Variants in SYT3 observed in about 807,000 individuals in gnomAD.
The protein encoded by SYT3 is synaptotagmin 3.
SYT3 carries 25 observed loss-of-function variants against 50.6 expected under a neutral mutation model. The ratio of observed to expected loss-of-function variants is 0.49; its 90% confidence interval spans 0.36 to 0.69. SYT3 has a LOEUF of 0.69. Among genes scored for constraint, SYT3 ranks in the 30% least tolerant of loss-of-function variants. SYT3 has a pLI of 0.00. For synonymous variants in SYT3, 323 were observed against 353.9 expected, an observed-to-expected ratio of 0.91 and a Z score of 0.98; for missense variants, 589 against 793.6, an observed-to-expected ratio of 0.74 and a Z score of 3.10.
At chr19:50,641,065 A>C (rs534911095), upstream of SYT3, among the ~76,000 whole-genome samples, 2 of 152,248 alleles carry the variant, frequency 1.3e-5, no homozygotes, top group South Asian at 4.2e-4. Context: ...AAAACAAAAA[A>C]ACCAAAAAAC....
chr19:50,624,937 T>C (rs574974766), intron 9 of SYT3: 15 of 413,794 alleles, frequency 3.6e-5, no homozygotes, highest in Admixed American at 1.7e-4. Flanking sequence ...ACCTCTATCC[T>C]AACAGAAGAT....
In SYT3 at chr19:50,629,990, C is replaced by T. The variant is rs1420472277; in HGVS notation, c.856G>A (p.Gly286Ser). The change falls in exon 5 of 11, where the codon GGT becomes AGT. Residue 286 changes from glycine (G) to serine (S), a missense_variant. Around this residue, in one of 2 missense-constraint regions of SYT3, gnomAD observed 273 missense variants for 439.3 expected, o/e 0.62. Transcript: ENST00000600079. ...GCCTCTCCAGAGCCTGGGCCCCCAC[C>T]GCTCCGCCGGCCACCAGGGCCAGTC... ...QGTGPGGRRS[G>S]GGPGSGEAGT... 1.4e-5 allele frequency: 22 copies of T among 1,613,684 alleles called. No individual in the cohort carries two copies. Among genetic ancestry groups the T allele is most frequent in the East Asian group, 2.2e-5 (1 of 44,872 alleles).
chr19:50,639,559 C>T lies in SYT3; in HGVS notation c.-154+231G>A, dbSNP rs1186419539. ...CCACGGAATGAGGAAACGATCCCCC[C>T]GCGCTGGGGATCGGTGGGCGAGGGG... is the stretch of plus-strand genomic sequence containing the variant. On this transcript the variant is annotated intron_variant, in intron 1 of 10. Transcript: ENST00000600079. The surrounding 1 kb of genome is among the most constrained non-coding windows in gnomAD (Gnocchi z 4.6). Among the ~76,000 whole-genome samples, 1 of 152,008 alleles carries T rather than the reference C, an allele frequency of 6.6e-6. No homozygotes were observed. Among genetic ancestry groups the T allele is most frequent in the Admixed American group, 6.5e-5 (1 of 15,280 alleles).
At chr19:50,643,070 T>C (rs914241848), upstream of SYT3, among the ~76,000 whole-genome samples, 6 of 151,662 alleles carry the variant, frequency 4.0e-5, no homozygotes, top group Admixed American at 6.6e-5. Context: ...GAGTGGAGAT[T>C]AAAAACTGTA....
At chr19:50,652,328 C>A in the SYT3 span, among the ~76,000 whole-genome samples, 19 of 152,260 alleles carry the variant, frequency 1.2e-4, no homozygotes, top group Non-Finnish European at 2.2e-4. Context: ...TTGCTAGATG[C>A]TGGGGACGAA....
chr19:50,632,829 A>G lies in SYT3; in HGVS notation c.149-18T>C. On this transcript the variant is annotated intron_variant, in intron 3 of 10. Coordinates refer to ENST00000600079, the MANE Select transcript of SYT3 (RefSeq NM_001160329.2). The surrounding 1 kb of genome is among the most constrained non-coding windows in gnomAD (Gnocchi z 4.7). ...GGAGATGTCTGGAGAGAACGAGGAC[A>G]GAGGTAGGGGTCAGGATGGGGTCAC... is the stretch of plus-strand genomic sequence containing the variant. The G allele has an allele frequency of 2.0e-6, 3 of 1,490,756 alleles. No individual in the cohort carries two copies. The highest frequency in any genetic ancestry group is 1.4e-5 in the African/African-American group (1 of 71,674). 92.3% of individuals were successfully genotyped at this position (1,490,756 alleles called of 1,614,324 possible). A position where few individuals can be genotyped will look rare whatever the true frequency, so the allele number is the denominator to read the frequency against.
upstream of SYT3, among the ~76,000 whole-genome samples, chr19:50,642,932 G>A (rs548790253): frequency 1.4e-4 from 22 of 152,334 alleles, no homozygotes; most frequent in South Asian, 4.6e-3. Context: ...AATGGCTAGT[G>A]TTTAGTGTTG....
the SYT3 span, chr19:50,649,899 C>T: frequency 2.2e-6 from 1 of 456,202 alleles, no homozygotes; most frequent in Non-Finnish European, 4.4e-6. Flanking sequence ...ACCGCCAACC[C>T]AGTCACTGGT....
rs781418157 is a variant in SYT3 at position 50,632,241 on chromosome 19, G to C, written c.674+45C>G. ...TAGATAGGAAAGAGACACAGAGGAG[G>C]AGCAGAAGTTCAGAGTGGACCCCCA... is the stretch of plus-strand genomic sequence containing the variant. On this transcript the variant is annotated intron_variant, in intron 4 of 10. Transcript: ENST00000600079. The surrounding 1 kb of genome is among the most constrained non-coding windows in gnomAD (Gnocchi z 4.7). 1.2e-5 allele frequency: 18 copies of C among 1,508,360 alleles called. No homozygotes were observed. The highest frequency in any genetic ancestry group is 1.4e-5 in the African/African-American group (1 of 71,814). The allele number at this position is 1,508,360 out of a possible 1,614,324, so 93.4% of individuals were successfully genotyped here. A position where few individuals can be genotyped will look rare whatever the true frequency, so the allele number is the denominator to read the frequency against.
In SYT3 at chr19:50,625,919, C is replaced by T. The variant is rs145686572; in HGVS notation, c.1380G>A (p.Ala460=). The part of the protein sequence containing the change: ...VTIIKASNLK[A]MDLTGFSDPY... ...CACCTGAGAAGCCAGTGAGGTCCAT[C>T]GCTTTGAGGTTAGAGGCTTTGATGA... Residue 460 remains alanine, a synonymous_variant, in exon 7 of 11, where the codon GCG becomes GCA. Coordinates refer to ENST00000600079, the MANE Select transcript of SYT3 (RefSeq NM_001160329.2). The surrounding 1 kb of genome is among the most constrained non-coding windows in gnomAD (Gnocchi z 7.5). 8.7e-6 allele frequency: 14 copies of T among 1,613,912 alleles called. No individual in the cohort carries two copies. Among genetic ancestry groups the T allele is most frequent in the East Asian group, 6.7e-5 (3 of 44,878 alleles).
intron 9 of SYT3, among the ~76,000 whole-genome samples, chr19:50,623,652 A>C (rs1983932857): frequency 7.3e-6 from 1 of 136,624 alleles, no homozygotes; most frequent in Admixed American, 7.4e-5. Context: ...AAAAAAAAAA[A>C]TTAGCAGGGT....
chr19:50,657,803 T>A, the SYT3 span, among the ~76,000 whole-genome samples: 7 of 152,236 alleles, frequency 4.6e-5, no homozygotes, highest in African/African-American at 1.7e-4. Context: ...CTTTCCCATC[T>A]GAGAGATAAT....
At chr19:50,626,127 A>G (rs1984051105) in intron 6 of SYT3, 110 bp from the exon 7 acceptor site, 1 of 1,459,328 alleles carries the variant, frequency 6.9e-7, no homozygotes, top group East Asian at 2.6e-5. Context: ...TCCAGGGCTC[A>G]GGCTTCCCAT....
At chr19:50,651,971 A>G in the SYT3 span, among the ~76,000 whole-genome samples, 874 of 152,220 alleles carry the variant, frequency 5.7e-3, 3 homozygotes, top group Middle Eastern at 0.044. Context: ...CGCTTGTACA[A>G]GGCTATTTTT....
Position 50,630,050 on chromosome 19 carries a change from G to A in SYT3, c.796C>T (p.Leu266Phe), listed in dbSNP as rs749807070. Residue 266 changes from leucine (L) to phenylalanine (F), a missense_variant, in exon 5 of 11, where the codon CTC (leucine) becomes TTC (phenylalanine). Leu to Phe is a conservative substitution (Grantham distance 22). Around this residue, in one of 2 missense-constraint regions of SYT3, gnomAD observed 316 missense variants for 354.3 expected, o/e 0.89. Transcript: ENST00000600079. ...PLPGGEEKAK[L>F]IGQIKPELYQ... ...AGCTCTGGCTTAATCTGCCCAATGA[G>A]TTTGGCTTTTTCCTCGCCTCCAGGC... is the stretch of plus-strand genomic sequence containing the variant. 2 of 1,614,054 alleles carry A rather than the reference G, an allele frequency of 1.2e-6. No individual in the cohort carries two copies. Among genetic ancestry groups the A allele is most frequent in the South Asian group, 1.1e-5 (1 of 91,054 alleles).
chr19:50,626,090 C>G, intron 6 of SYT3, 73 bp from the exon 7 acceptor site: 2 of 1,545,782 alleles, frequency 1.3e-6, no homozygotes, highest in Non-Finnish European at 1.8e-6. Flanking sequence ...TCTCTCCGGT[C>G]GGAGCCTCCT....
intron 4 of SYT3, among the ~76,000 whole-genome samples, chr19:50,630,972 C>T (rs1984280853): frequency 6.6e-6 from 1 of 152,040 alleles, no homozygotes; most frequent in Non-Finnish European, 1.5e-5. Context: ...TCCCTCCAGC[C>T]CACTCCCATA....
At chr19:50,655,000 C>T in the SYT3 span, among the ~76,000 whole-genome samples, 1 of 152,146 alleles carries the variant, frequency 6.6e-6, no homozygotes, top group Non-Finnish European at 1.5e-5. Context: ...TATTGCTAAT[C>T]CACATTCCAG....
At chr19:50,644,960 A>G in the SYT3 span, among the ~76,000 whole-genome samples, 7 of 152,098 alleles carry the variant, frequency 4.6e-5, no homozygotes, top group African/African-American at 1.7e-4. Flanking sequence ...TGGATGGGTG[A>G]CTGATTGAAT....
Sources: gnomAD v4.1 joint callset for allele counts (sites outside exome capture counted in the v4.1 genomes callset) on GRCh38, gnomAD v4.1.1 for gene constraint, gnomAD v4.1.1 regional missense constraint, Gnocchi (gnomAD v3.1) non-coding constraint, MANE v1.5 for transcripts, NCBI Gene and HGNC (gene_info 2026-07-23, HGNC 2026-07-21) for gene names.